The following CARS1 variants were observed in gnomAD, a reference collection of about 807,000 sequenced individuals.
CARS1 encodes the protein cysteine--tRNA ligase, cytoplasmic.
A neutral mutation model predicts 106.2 loss-of-function variants in CARS1; 48 were observed. The observed-to-expected ratio is 0.45, with a 90% CI of 0.36 to 0.57. CARS1 has a LOEUF of 0.57. Among genes scored for constraint, CARS1 ranks in the 20% least tolerant of loss-of-function variants. The pLI is 0.00. For missense variants in CARS1, 968 were observed against 1,057.2 expected, an observed-to-expected ratio of 0.92 and a Z score of 1.17; for synonymous variants, 409 against 403.4, an observed-to-expected ratio of 1.01 and a Z score of -0.17.
intron 22 of CARS1, 117 bp from the exon 23 acceptor site, chr11:3,001,365 T>A: frequency 8.4e-7 from 1 of 1,183,604 alleles, no homozygotes; most frequent in Non-Finnish European, 1.2e-6. Flanking sequence ...CATGTCCTCT[T>A]GCTTGGACAT....
At chr11:3,049,311 T>C (rs1023361710) in intron 1 of CARS1, among the ~76,000 whole-genome samples, 3 of 152,114 alleles carry the variant, frequency 2.0e-5, no homozygotes, top group African/African-American at 7.2e-5. Context: ...AAAAGTCACC[T>C]CTGCTGAACT....
chr11:3,026,737 G>C lies in CARS1; in HGVS notation c.1092C>G (p.His364Gln). The C allele has an allele frequency of 6.2e-7, 1 of 1,613,880 alleles. No individual in the cohort carries two copies. The highest frequency in any genetic ancestry group is 1.1e-5 in the South Asian group (1 of 91,022). Residue 364 changes from histidine to glutamine, a missense_variant, in exon 10 of 23, where the codon CAC (histidine) becomes CAG (glutamine). His to Gln is a conservative substitution (Grantham distance 24, BLOSUM62 0). Coordinates refer to ENST00000380525, the MANE Select transcript of CARS1 (RefSeq NM_001014437.3). ...DTAKFASSEK[H>Q]SYGKLVPEAV... ...CCTCAGGCACCAGCTTCCCATAGGA[G>C]TGCTTCTCGCTAGAAGCAAACTTCG...
Position 3,021,605 on chromosome 11 carries a change from G to C in CARS1, c.1154-1273C>G, listed in dbSNP as rs1851575833. ...GATTATAAAATATGTACTAAATGTA[G>C]AATATTTGAAAGATAAAAAAAGAAA... On this transcript the variant is annotated intron_variant, in intron 10 of 22. Transcript: ENST00000380525. This position sits in a 1 kb window ranked among gnomAD's most constrained non-coding sequence, Gnocchi z 5.3. 6.6e-6 allele frequency among the ~76,000 whole-genome samples: 1 copy of C among 152,064 alleles called. No individual in the cohort carries two copies. The highest frequency in any genetic ancestry group is 1.5e-5 in the Non-Finnish European group (1 of 68,010).
rs1192754817 is a variant in CARS1, at chr11:3,008,033, C to G, written c.2069-1074G>C. The G allele has an allele frequency of 6.6e-6, 1 of 152,302 alleles. No homozygotes were observed. The highest frequency in any genetic ancestry group is 2.4e-5 in the African/African-American group (1 of 41,458). The allele number at this position is 152,302 out of a possible 1,614,324, so 9.4% of individuals were successfully genotyped here. A position where few individuals can be genotyped will look rare whatever the true frequency, so the allele number is the denominator to read the frequency against. On this transcript the variant is annotated intron_variant, in intron 18 of 22. Transcript: ENST00000380525. The surrounding 1 kb of genome is among the most constrained non-coding windows in gnomAD (Gnocchi z 5.1). ...ATGCTTGCTGCTCTCCAAGTGACAA[C>G]TTTCTGCTCTGAAATCTGACCTTGG...
In CARS1 at chr11:3,022,618, C is replaced by T. The variant is rs1365991934; in HGVS notation, c.1154-2286G>A. ...CTTGGTTTCATTTCCTGTCTCTCTC[C>T]CCAGAGGCAGAGTGAGTGTTTCTAG... On this transcript the variant is annotated intron_variant, in intron 10 of 22. Transcript: ENST00000380525. The surrounding 1 kb of genome is among the most constrained non-coding windows in gnomAD (Gnocchi z 4.9). Among the ~76,000 whole-genome samples, 4 of 152,174 alleles carry T rather than the reference C, an allele frequency of 2.6e-5. No homozygotes were observed. The highest frequency in any genetic ancestry group is 7.2e-5 in the African/African-American group (3 of 41,436).
At chr11:3,006,045 G>A (rs970338559) in intron 19 of CARS1, among the ~76,000 whole-genome samples, 2 of 152,194 alleles carry the variant, frequency 1.3e-5, no homozygotes, top group African/African-American at 4.8e-5. Context: ...ACAAAGAAAT[G>A]ATAAATGCTT....
At chr11:3,009,602 T>A (rs1174774999) in intron 18 of CARS1, 1 of 152,242 alleles carries the variant, frequency 6.6e-6, no homozygotes, top group Non-Finnish European at 1.5e-5. Context: ...GGAAATGGCA[T>A]CATCTCCCCA....
chr11:3,027,689 G>C (rs1423976682), intron 9 of CARS1: 1 of 338,128 alleles, frequency 3.0e-6, no homozygotes, highest in Non-Finnish European at 6.2e-6. Context: ...AGGGGACATA[G>C]TGAGGAGTGA....
Position 3,044,915 on chromosome 11 carries a change from AG to A in CARS1, c.275-2660del, listed in dbSNP as rs1854923579. Among the ~76,000 whole-genome samples, 1 of 152,278 alleles carries A rather than the reference AG, an allele frequency of 6.6e-6. No homozygotes were observed. Among genetic ancestry groups the A allele is most frequent in the South Asian group, 2.1e-4 (1 of 4,830 alleles). The stretch of plus-strand genomic sequence containing the variant: ...ACCAGATGCAGATAGGACCCAAGCA[AG>A]GGGTTCATGGAGAGAAATCCTTCAT... On this transcript the variant is annotated intron_variant, in intron 2 of 22. Transcript: ENST00000380525. This position sits in a 1 kb window ranked among gnomAD's most constrained non-coding sequence, Gnocchi z 4.4.
At chr11:3,036,270 A>G (rs1853619434) in intron 7 of CARS1, among the ~76,000 whole-genome samples, 1 of 152,222 alleles carries the variant, frequency 6.6e-6, no homozygotes, top group East Asian at 1.9e-4. Flanking sequence ...GAGTCTCATG[A>G]GTCCTTCTAG....
intron 1 of CARS1, among the ~76,000 whole-genome samples, chr11:3,051,029 C>T (rs1855630878): frequency 6.6e-6 from 1 of 152,258 alleles, no homozygotes; most frequent in African/African-American, 2.4e-5. Flanking sequence ...AGCAGAATGG[C>T]ACCACAGAGT....
Position 3,022,180 on chromosome 11 carries a change from T to C in CARS1, c.1154-1848A>G, listed in dbSNP as rs1382601228. ...AGAGTCACATAGCACGCTGACCACC[T>C]GCTCCACCACTGTTCCTAGCGATAG... On this transcript the variant is annotated intron_variant, in intron 10 of 22. Transcript: ENST00000380525. The surrounding 1 kb of genome is among the most constrained non-coding windows in gnomAD (Gnocchi z 4.9). Among the ~76,000 whole-genome samples, 1 of 152,204 alleles carries C rather than the reference T, an allele frequency of 6.6e-6. No individual in the cohort carries two copies. Among genetic ancestry groups the C allele is most frequent in the Non-Finnish European group, 1.5e-5 (1 of 68,036 alleles).
intron 10 of CARS1, among the ~76,000 whole-genome samples, chr11:3,024,882 G>A (rs1392935418): frequency 2.6e-5 from 4 of 152,176 alleles, no homozygotes; most frequent in Admixed American, 1.3e-4. Flanking sequence ...CTGTGTTCTT[G>A]GAAGGAAAGG....
chr11:3,044,954 G>T lies in CARS1; in HGVS notation c.275-2698C>A, dbSNP rs960530850. Among the ~76,000 whole-genome samples, 1 of 152,112 alleles carries T rather than the reference G, an allele frequency of 6.6e-6. No individual in the cohort carries two copies. On this transcript the variant is annotated intron_variant, in intron 2 of 22. Coordinates refer to ENST00000380525, the MANE Select transcript of CARS1 (RefSeq NM_001014437.3). The surrounding 1 kb of genome is among the most constrained non-coding windows in gnomAD (Gnocchi z 4.4). ...AGAAATCCTTCATCAGGAAGTTAAG[G>T]GTCCTCCATCGGAGGGGTGAGAGCA...
intron 10 of CARS1, among the ~76,000 whole-genome samples, chr11:3,023,851 T>C (rs533289149): frequency 6.6e-6 from 1 of 152,314 alleles, no homozygotes; most frequent in African/African-American, 2.4e-5. Context: ...TACTTCTTCT[T>C]GTTCCTTTCC....
chr11:3,006,878 C>T lies in CARS1; in HGVS notation c.2149+1G>A. 1 of 1,613,338 alleles carries T rather than the reference C, an allele frequency of 6.2e-7. No homozygotes were observed. The highest frequency in any genetic ancestry group is 8.5e-7 in the Non-Finnish European group (1 of 1,179,316). On this transcript the variant is annotated splice_donor_variant, in intron 19 of 22. Coordinates refer to ENST00000380525, the MANE Select transcript of CARS1 (RefSeq NM_001014437.3). LOFTEE classifies it high-confidence loss of function. Reference sequence around the variant, plus strand: ...GTAGCAAACAGCAAGGGCTCACCCACCTTCGTGGTCTTCAAACCGCACCCC... The same window carrying T: ...GTAGCAAACAGCAAGGGCTCACCCATCTTCGTGGTCTTCAAACCGCACCCC...
At chr11:3,057,027 T>C (rs1026333457) in intron 1 of CARS1, among the ~76,000 whole-genome samples, 5 of 151,994 alleles carry the variant, frequency 3.3e-5, no homozygotes, top group African/African-American at 1.2e-4. Context: ...CGGGCACCCG[T>C]TGTCCTTCGG....
At chr11:3,007,834 G>C (rs1850049723) in intron 18 of CARS1, 2 of 152,374 alleles carry the variant, frequency 1.3e-5, no homozygotes, top group South Asian at 4.1e-4. Context: ...CCCCCTCTGT[G>C]TCTCTGCTCT....
At chr11:3,015,896 C>T (rs766365125) in intron 16 of CARS1, 47 bp from the exon 17 acceptor site, 21 of 1,499,530 alleles carry the variant, frequency 1.4e-5, no homozygotes, top group East Asian at 2.3e-5. Context: ...AAGATGAAGG[C>T]GGCATGTGGC....
Sources: allele counts gnomAD v4.1 joint callset (sites outside exome capture counted in the v4.1 genomes callset), GRCh38; gene constraint gnomAD v4.1.1; non-coding constraint Gnocchi (gnomAD v3.1); transcripts MANE v1.5; gene names NCBI Gene and HGNC (gene_info 2026-07-23, HGNC 2026-07-21).